The following ITSN2 variants were observed in gnomAD, a reference collection of about 807,000 sequenced individuals.
ITSN2 encodes intersectin-2.
A neutral mutation model predicts 243.7 loss-of-function variants in ITSN2; 156 were observed. The ratio of observed to expected loss-of-function variants is 0.64; its 90% confidence interval spans 0.56 to 0.73. ITSN2 has a LOEUF of 0.73. Ranked by LOEUF, ITSN2 falls within the 30% of genes least tolerant of loss-of-function variation. The pLI is 0.00. For missense variants in ITSN2, 1,801 were observed against 1,996.1 expected (o/e 0.90, Z 1.86); for synonymous variants, 703 against 699.9 (o/e 1.00, Z -0.07).
rs1020363550 is a variant in ITSN2 at position 24,203,891 on chromosome 2, A to C, written c.4937-108T>G. The C allele has an allele frequency of 2.4e-6, 3 of 1,228,092 alleles. No homozygotes were observed. The Admixed American group carries it at 6.8e-5, about 28-fold the overall frequency. 76.1% of individuals were successfully genotyped at this position (1,228,092 alleles called of 1,614,324 possible). ...TAAAACCTTCAAATCTGAAACAAGGAACTTCTTTTGGCTCATGGCTGTTGA... is the reference window on the plus strand; with the variant it reads ...TAAAACCTTCAAATCTGAAACAAGGCACTTCTTTTGGCTCATGGCTGTTGA... On this transcript the variant is annotated intron_variant, in intron 39 of 39. Transcript: ENST00000355123.
intron 30 of ITSN2, among the ~76,000 whole-genome samples, chr2:24,219,342 C>T (rs1670239507): frequency 6.6e-6 from 1 of 152,218 alleles, no homozygotes; most frequent in Admixed American, 6.5e-5. Context: ...TCACAGAATT[C>T]AAGTACAAGT....
intron 2 of ITSN2, 119 bp downstream of exon 2, chr2:24,327,933 A>T: frequency 1.2e-6 from 1 of 840,886 alleles, no homozygotes; most frequent in Non-Finnish European, 1.9e-6. Flanking sequence ...TTTTCCAAGA[A>T]TACTTCAAGT....
chr2:24,357,372 AG>A (rs1349754500), intron 1 of ITSN2, among the ~76,000 whole-genome samples: 1 of 152,188 alleles, frequency 6.6e-6, no homozygotes, highest in African/African-American at 2.4e-5. Flanking sequence ...AAACTAACAC[AG>A]GAACAGAAAA....
chr2:24,302,821 A>C (rs1467722229), intron 9 of ITSN2, among the ~76,000 whole-genome samples: 1 of 152,252 alleles, frequency 6.6e-6, no homozygotes, highest in Non-Finnish European at 1.5e-5. Context: ...TAGATGAAAG[A>C]AAACAACAGT....
Position 24,217,915 on chromosome 2 carries a change from C to T in ITSN2, c.3798G>A (p.Lys1266=), listed in dbSNP as rs767240348. 2 of 1,612,314 alleles carry T rather than the reference C, an allele frequency of 1.2e-6. No homozygotes were observed. The highest frequency in any genetic ancestry group is 2.7e-5 in the African/African-American group (2 of 74,882). ...TGATGCTCAGGACTCACTTCAGCAG[C>T]TTTGTGTTGGACATGATGAGCTCCT... ...NWKELIMSNT[K]LLKALRVRKK... The change falls in exon 31 of 40, where the codon AAG becomes AAA. Residue 1266 remains lysine (K), a synonymous_variant. Coordinates refer to ENST00000355123, the MANE Select transcript of ITSN2 (RefSeq NM_006277.3).
intron 1 of ITSN2, among the ~76,000 whole-genome samples, chr2:24,359,754 G>A (rs1688778468): frequency 1.3e-5 from 2 of 152,088 alleles, no homozygotes; most frequent in Admixed American, 6.6e-5. Context: ...TCCAACTCCG[G>A]AGGAACGCGA....
Position 24,220,967 on chromosome 2 carries a change from G to C in ITSN2, c.3677C>G (p.Ala1226Gly). 6.2e-7 allele frequency: 1 copy of C among 1,608,768 alleles called. No individual in the cohort carries two copies. Among genetic ancestry groups the C allele is most frequent in the Non-Finnish European group, 8.5e-7 (1 of 1,178,022 alleles). The change falls in exon 30 of 40, where the codon GCT becomes GGT. Residue 1226 changes from alanine (A) to glycine (G), a missense_variant. Transcript: ENST00000355123. ...CACCTCGACGACGAGCTGAAGGTCAGCCATGTACCGCTCTTCGGTCTGAAT... is the reference window on the plus strand; with the variant it reads ...CACCTCGACGACGAGCTGAAGGTCACCCATGTACCGCTCTTCGGTCTGAAT... The part of the protein sequence containing the change: ...ELIQTEERYM[A>G]DLQLVVEVFQ...
At chr2:24,329,258 T>G (rs1253670612) in intron 1 of ITSN2, among the ~76,000 whole-genome samples, 2 of 6,356 alleles carry the variant, frequency 3.1e-4, no homozygotes, top group East Asian at 0.023. Context: ...CTGTTTTTTT[T>G]TTTGTTTGTT....
intron 1 of ITSN2, among the ~76,000 whole-genome samples, chr2:24,355,399 A>G (rs1321041064): frequency 1.3e-5 from 2 of 152,228 alleles, no homozygotes; most frequent in Non-Finnish European, 2.9e-5. Flanking sequence ...AAGCCAATGG[A>G]GCAGAACAGA....
Position 24,204,484 on chromosome 2 carries a change from C to T in ITSN2, c.4763-66G>A. ...GTAAAACGAAGCGACTGACAGTGCC[C>T]TCCCTGAGCAGAAGCAGGATTCCAA... On this transcript the variant is annotated intron_variant, in intron 38 of 39. Transcript: ENST00000355123. The surrounding 1 kb of genome is among the most constrained non-coding windows in gnomAD (Gnocchi z 5.1). The T allele has an allele frequency of 7.0e-7, 1 of 1,421,176 alleles. No homozygotes were observed. The highest frequency in any genetic ancestry group is 1.0e-6 in the Non-Finnish European group (1 of 1,004,916). The allele number at this position is 1,421,176 out of a possible 1,614,324, so 88.0% of individuals were successfully genotyped here.
intron 29 of ITSN2, among the ~76,000 whole-genome samples, chr2:24,235,715 A>G (rs942062118): frequency 2.6e-5 from 4 of 152,262 alleles, no homozygotes; most frequent in Non-Finnish European, 5.9e-5. Flanking sequence ...CTGAATAGAC[A>G]TATCTCCAAA....
intron 21 of ITSN2, 99 bp from the exon 22 acceptor site, chr2:24,261,349 C>A: frequency 1.0e-6 from 1 of 962,916 alleles, no homozygotes. Flanking sequence ...ACTGTGCTTA[C>A]ACACAATTTG....
intron 13 of ITSN2, among the ~76,000 whole-genome samples, chr2:24,296,587 C>T (rs1417661350): frequency 6.6e-6 from 1 of 152,182 alleles, no homozygotes; most frequent in East Asian, 1.9e-4. Flanking sequence ...AGAGAAAACA[C>T]CATATAAGGA....
intron 37 of ITSN2, among the ~76,000 whole-genome samples, chr2:24,207,830 A>C (rs912774632): frequency 8.6e-5 from 13 of 151,368 alleles, no homozygotes; most frequent in African/African-American, 3.2e-4. Context: ...GCAAAGGGAG[A>C]GGGTGGATGG....
rs1558650596 is a variant in ITSN2, at chr2:24,337,334, A to ATATATATATATATATG, written c.-33-9220_-33-9219insCATATATATATATATA. ...ACACAAAATATATATATATATATATATATATATATATATATATATGTAATT... is the reference window on the plus strand; with the variant it reads ...ACACAAAATATATATATATATATATATATATATATATATATGTATATATATATATATATATGTAATT... On this transcript the variant is annotated intron_variant, in intron 1 of 39. Coordinates refer to ENST00000355123, the MANE Select transcript of ITSN2 (RefSeq NM_006277.3). 1.6e-4 allele frequency among the ~76,000 whole-genome samples: 17 copies of ATATATATATATATATG among 108,440 alleles called. 1 individual carries two copies. The highest frequency in any genetic ancestry group is 1.1e-3 in the South Asian group (4 of 3,566). 71.1% of individuals were successfully genotyped at this position (108,440 alleles called of 152,430 possible). A position where few individuals can be genotyped will look rare whatever the true frequency, so the allele number is the denominator to read the frequency against.
At chr2:24,288,201 G>A (rs957088141) in intron 15 of ITSN2, among the ~76,000 whole-genome samples, 3 of 151,964 alleles carry the variant, frequency 2.0e-5, no homozygotes, top group African/African-American at 7.2e-5. Context: ...TTTTGAGTAT[G>A]GTATAAGGCT....
intron 32 of ITSN2, 124 bp downstream of exon 32, chr2:24,215,925 G>A (rs554310796): frequency 1.6e-6 from 1 of 628,330 alleles, no homozygotes; most frequent in Non-Finnish European, 2.5e-6. Context: ...TGCCGTTTTG[G>A]TGTTTCCTTT....
chr2:24,306,186 AC>A (rs1682515195), intron 8 of ITSN2, among the ~76,000 whole-genome samples: 1 of 152,052 alleles, frequency 6.6e-6, no homozygotes, highest in East Asian at 1.9e-4. Flanking sequence ...CACCATGTTG[AC>A]CAGGCTGGTC....
chr2:24,336,850 C>T (rs1332437462), intron 1 of ITSN2, among the ~76,000 whole-genome samples: 4 of 152,124 alleles, frequency 2.6e-5, no homozygotes, highest in Admixed American at 2.6e-4. Context: ...CCAAAGAAAA[C>T]ACTCGATAAA....
Sources: allele counts gnomAD v4.1 joint callset (sites outside exome capture counted in the v4.1 genomes callset), GRCh38; gene constraint gnomAD v4.1.1; non-coding constraint Gnocchi (gnomAD v3.1); transcripts MANE v1.5; gene names NCBI Gene and HGNC (gene_info 2026-07-23, HGNC 2026-07-21).